The following PTPRM variants were observed in gnomAD, a reference collection of about 807,000 sequenced individuals.
PTPRM encodes protein tyrosine phosphatase receptor type M.
PTPRM carries 47 observed loss-of-function variants against 186.7 expected under a neutral mutation model. The observed-to-expected ratio is 0.25, with a 90% CI of 0.20 to 0.32. The LOEUF is 0.32. Among genes scored for constraint, PTPRM ranks in the 10% least tolerant of loss-of-function variants. The probability of loss-of-function intolerance (pLI) is 1.00; values close to 1 mark genes in which losing one functional copy is unlikely to be tolerated. For missense variants in PTPRM, 1,494 were observed against 1,865.0 expected, an observed-to-expected ratio of 0.80 and a Z score of 3.66; for synonymous variants, 668 against 674.9, an observed-to-expected ratio of 0.99 and a Z score of 0.16.
chr18:7,775,981 C>T (rs959882147), intron 2 of PTPRM, among the ~76,000 whole-genome samples: 3 of 151,920 alleles, frequency 2.0e-5, no homozygotes, highest in African/African-American at 2.4e-5. Flanking sequence ...TAGCACAGGC[C>T]GTTAAAAAAA....
chr18:8,052,814 T>C (rs77961746), intron 7 of PTPRM, among the ~76,000 whole-genome samples: 3 of 152,164 alleles, frequency 2.0e-5, no homozygotes, highest in Admixed American at 6.5e-5. Flanking sequence ...GTATAACACA[T>C]TGCATTGATC....
At chr18:8,013,601 G>A (rs1728152861) in intron 7 of PTPRM, among the ~76,000 whole-genome samples, 1 of 152,172 alleles carries the variant, frequency 6.6e-6, no homozygotes, top group Non-Finnish European at 1.5e-5. Flanking sequence ...GCCAGAGATG[G>A]AGGAAAATCC....
intron 9 of PTPRM, among the ~76,000 whole-genome samples, chr18:8,080,678 A>T (rs928935772): frequency 6.6e-6 from 1 of 152,176 alleles, no homozygotes; most frequent in Non-Finnish European, 1.5e-5. Context: ...ATAGGTGGTT[A>T]TGTAGAGGGA....
chr18:7,574,190 G>A (rs2036630654), intron 1 of PTPRM, among the ~76,000 whole-genome samples: 2 of 152,138 alleles, frequency 1.3e-5, no homozygotes, highest in South Asian at 4.1e-4. Flanking sequence ...TGATTAATAC[G>A]GCCGGTATTA....
intron 11 of PTPRM, among the ~76,000 whole-genome samples, chr18:8,102,231 G>A (rs1037310966): frequency 5.3e-5 from 8 of 152,194 alleles, no homozygotes; most frequent in Admixed American, 2.6e-4. Flanking sequence ...ACTAATCAGG[G>A]TGGTAGTTTC....
chr18:8,300,128 T>G (rs1362308366), intron 20 of PTPRM, among the ~76,000 whole-genome samples: 2 of 152,168 alleles, frequency 1.3e-5, no homozygotes, highest in African/African-American at 4.8e-5. Context: ...AAGACATGCA[T>G]GAAATAATAG....
At chr18:8,174,903 C>A (rs1228801661) in intron 14 of PTPRM, among the ~76,000 whole-genome samples, 2 of 152,320 alleles carry the variant, frequency 1.3e-5, no homozygotes, top group East Asian at 3.9e-4. Context: ...CTCTGACAGT[C>A]CCTGTGCTTT....
chr18:7,602,825 A>G (rs1049332679), intron 1 of PTPRM, among the ~76,000 whole-genome samples: 1 of 149,142 alleles, frequency 6.7e-6, no homozygotes, highest in Non-Finnish European at 1.5e-5. Context: ...TATATAATAT[A>G]TATATTTCAA....
intron 5 of PTPRM, among the ~76,000 whole-genome samples, chr18:7,934,737 G>A (rs1198709585): frequency 6.6e-6 from 1 of 152,110 alleles, no homozygotes; most frequent in Middle Eastern, 3.2e-3. Flanking sequence ...TAGAAGAAGC[G>A]GCTGAGGCTT....
intron 2 of PTPRM, among the ~76,000 whole-genome samples, chr18:7,788,221 A>G (rs928808277): frequency 2.0e-5 from 3 of 152,334 alleles, no homozygotes; most frequent in Admixed American, 1.3e-4. Context: ...TAAAGTCAAT[A>G]TAAATAATTC....
At chr18:7,777,946 C>T (rs1324034741) in intron 2 of PTPRM, among the ~76,000 whole-genome samples, 2 of 151,994 alleles carry the variant, frequency 1.3e-5, no homozygotes, top group Non-Finnish European at 2.9e-5. Flanking sequence ...TTCAGCAGTT[C>T]GAGACCACCC....
chr18:8,152,174 A>C (rs2093024323), intron 14 of PTPRM, among the ~76,000 whole-genome samples: 3 of 152,162 alleles, frequency 2.0e-5, no homozygotes, highest in Admixed American at 2.0e-4. Flanking sequence ...GGAGATGTTC[A>C]CTGGGAGGTT....
intron 7 of PTPRM, among the ~76,000 whole-genome samples, chr18:7,986,160 G>T (rs1208987115): frequency 6.6e-6 from 1 of 152,192 alleles, no homozygotes; most frequent in Admixed American, 6.5e-5. Flanking sequence ...ATCAGAATTT[G>T]AAATGAATGT....
chr18:7,884,305 A>G (rs753271102), intron 2 of PTPRM, among the ~76,000 whole-genome samples: 3 of 152,226 alleles, frequency 2.0e-5, no homozygotes, highest in Non-Finnish European at 4.4e-5. Context: ...ATGAGGCTGC[A>G]TAGATACACC....
intron 2 of PTPRM, among the ~76,000 whole-genome samples, chr18:7,829,099 A>G (rs1182825224): frequency 6.6e-6 from 1 of 152,170 alleles, no homozygotes; most frequent in Non-Finnish European, 1.5e-5. Context: ...TGCCATTTGG[A>G]CTATCTGCAT....
intron 13 of PTPRM, among the ~76,000 whole-genome samples, chr18:8,135,462 C>T (rs1035294895): frequency 6.6e-6 from 1 of 152,050 alleles, no homozygotes; most frequent in Non-Finnish European, 1.5e-5. Context: ...TACATAGATT[C>T]CTGGGTCCTA....
chr18:7,652,106 T>A (rs9797403), intron 1 of PTPRM, among the ~76,000 whole-genome samples: 151,957 of 152,310 alleles, frequency 1, 75,803 homozygotes, highest in Middle Eastern at 1. Flanking sequence ...ATGGACACAC[T>A]CTTCTCAAAA....
chr18:8,262,641 A>G (rs2147511277), intron 19 of PTPRM, among the ~76,000 whole-genome samples: 1 of 152,328 alleles, frequency 6.6e-6, no homozygotes, highest in East Asian at 1.9e-4. Flanking sequence ...GATCCCAACC[A>G]GAAACAACCA....
In PTPRM at chr18:7,649,134, A is replaced by G. The variant is rs1000052638; in HGVS notation, c.73+81243A>G. On this transcript the variant is annotated intron_variant, in intron 1 of 32. Coordinates refer to ENST00000580170, the MANE Select transcript of PTPRM (RefSeq NM_001105244.2). ...GCCTGTGCTCTGTAAAGGGAACAAC[A>G]AAGCCTGGATGACAGCACATCTGTT... Among the ~76,000 whole-genome samples, 22 of 152,184 alleles carry G rather than the reference A, an allele frequency of 1.4e-4. 1 individual carries two copies. Among genetic ancestry groups the G allele is most frequent in the African/African-American group, 4.6e-4 (19 of 41,456 alleles).
Sources: gnomAD v4.1 joint callset for allele counts (sites outside exome capture counted in the v4.1 genomes callset) on GRCh38, gnomAD v4.1.1 for gene constraint, MANE v1.5 for transcripts, NCBI Gene and HGNC (gene_info 2026-07-23, HGNC 2026-07-21) for gene names.